PARP11: variants seen among roughly 807,000 people sequenced by gnomAD.
The protein encoded by PARP11 is protein mono-ADP-ribosyltransferase PARP11.
PARP11 carries 31 observed loss-of-function variants against 42.9 expected under a neutral mutation model. That is an observed-to-expected ratio of 0.72 (90% CI 0.54 to 0.98). The LOEUF is 0.98. Ranked by LOEUF, PARP11 falls within the 50% of genes least tolerant of loss-of-function variation. The pLI is 0.00. For missense variants in PARP11, 365 were observed against 413.1 expected, an observed-to-expected ratio of 0.88 and a Z score of 1.01; for synonymous variants, 137 against 127.3, an observed-to-expected ratio of 1.08 and a Z score of -0.51.
chr12:3,869,865 G>A (rs899205301), intron 1 of PARP11, among the ~76,000 whole-genome samples: 3 of 152,150 alleles, frequency 2.0e-5, no homozygotes, highest in African/African-American at 7.2e-5. Flanking sequence ...GTAAACCCTG[G>A]GACTTCGCAC....
At chr12:3,812,767 G>A (rs1947209508) in intron 7 of PARP11, among the ~76,000 whole-genome samples, 1 of 152,054 alleles carries the variant, frequency 6.6e-6, no homozygotes, top group Non-Finnish European at 1.5e-5. Flanking sequence ...GATAAAACTG[G>A]TTTAATGATT....
intron 1 of PARP11, among the ~76,000 whole-genome samples, chr12:3,843,979 TAAG>T (rs1203278763): frequency 6.6e-6 from 1 of 152,194 alleles, no homozygotes; most frequent in African/African-American, 2.4e-5. Flanking sequence ...GCAAATTACT[TAAG>T]AAAATACAAT....
At chr12:3,841,157 A>G in intron 1 of PARP11, 9 of 1,595,502 alleles carry the variant, frequency 5.6e-6, no homozygotes, top group Non-Finnish European at 7.7e-6. Context: ...AGCCTTTATC[A>G]AGACCCACTC....
chr12:3,873,146 C>G (rs1315482405), intron 1 of PARP11, 66 bp downstream of exon 1: 1 of 1,355,054 alleles, frequency 7.4e-7, no homozygotes, highest in Non-Finnish European at 1.0e-6. Flanking sequence ...GTTCCGGTGA[C>G]CCCCTCCCGC....
intron 1 of PARP11, among the ~76,000 whole-genome samples, chr12:3,848,032 AAAAAG>A: frequency 6.6e-6 from 1 of 152,320 alleles, no homozygotes; most frequent in East Asian, 1.9e-4. Context: ...AAACAATCTA[AAAAAG>A]AAATCAAGAA....
Position 3,844,241 on chromosome 12 carries a change from T to C in PARP11, c.19-14223A>G, listed in dbSNP as rs559487857. 2.6e-5 allele frequency among the ~76,000 whole-genome samples: 4 copies of C among 152,342 alleles called. No individual in the cohort carries two copies. In the South Asian group the frequency reaches 6.2e-4, roughly 24 times the overall value. On this transcript the variant is annotated intron_variant, in intron 1 of 7. Coordinates refer to ENST00000228820, the MANE Select transcript of PARP11 (RefSeq NM_020367.6). ...AACATTTTATTATGATGGTGCTAGG[T>C]AAAAAATTGTAAAGACTGGGATGGT... is the stretch of plus-strand genomic sequence containing the variant.
chr12:3,816,622 A>C (rs1303905040), intron 6 of PARP11, among the ~76,000 whole-genome samples: 4 of 152,246 alleles, frequency 2.6e-5, no homozygotes, highest in Non-Finnish European at 5.9e-5. Flanking sequence ...TTTCTCAAAG[A>C]AACATTAGTA....
At chr12:3,857,785 T>C (rs1160107492) in intron 1 of PARP11, among the ~76,000 whole-genome samples, 1 of 152,212 alleles carries the variant, frequency 6.6e-6, no homozygotes, top group Non-Finnish European at 1.5e-5. Flanking sequence ...GTTCTGCTCA[T>C]CCTCCAGCTG....
intron 1 of PARP11, among the ~76,000 whole-genome samples, chr12:3,846,081 T>C (rs1240553927): frequency 6.6e-6 from 1 of 152,236 alleles, no homozygotes; most frequent in Non-Finnish European, 1.5e-5. Flanking sequence ...TTTTGAAGTG[T>C]TAAAAGGAAA....
rs1947177728 is a variant in PARP11, at chr12:3,811,568, A to C, written c.*555T>G. ...TTCTCCTTCTGGCTTGTTTGACAGCACTGCAAATAATTGTCTTGTTTCTGA... is the reference window on the plus strand; with the variant it reads ...TTCTCCTTCTGGCTTGTTTGACAGCCCTGCAAATAATTGTCTTGTTTCTGA... On this transcript the variant is annotated 3_prime_UTR_variant, in exon 8 of 8. Coordinates refer to ENST00000228820, the MANE Select transcript of PARP11 (RefSeq NM_020367.6). 1 of 152,282 alleles carries C rather than the reference A, an allele frequency of 6.6e-6. No homozygotes were observed. Among genetic ancestry groups the C allele is most frequent in the Admixed American group, 6.5e-5 (1 of 15,280 alleles). 9.4% of individuals were successfully genotyped at this position (152,282 alleles called of 1,614,324 possible). A position where few individuals can be genotyped will look rare whatever the true frequency, so the allele number is the denominator to read the frequency against.
In PARP11 at chr12:3,812,112, T is replaced by G; in HGVS notation, c.*11A>C. 1 of 1,570,088 alleles carries G rather than the reference T, an allele frequency of 6.4e-7. No individual in the cohort carries two copies. The highest frequency in any genetic ancestry group is 2.3e-5 in the East Asian group (1 of 43,922). The stretch of plus-strand genomic sequence containing the variant: ...TAAAGCTTCCTTGACCACCGAGATT[T>G]GGAAGTGAAATCAATGAAAGTCTAT... On this transcript the variant is annotated 3_prime_UTR_variant, in exon 8 of 8. Coordinates refer to ENST00000228820, the MANE Select transcript of PARP11 (RefSeq NM_020367.6).
chr12:3,864,252 A>G (rs937202437), intron 1 of PARP11, among the ~76,000 whole-genome samples: 4 of 152,246 alleles, frequency 2.6e-5, no homozygotes, highest in African/African-American at 9.6e-5. Context: ...GGCTGTTCAA[A>G]TATTAAACCT....
At position 3,814,072 on chromosome 12, in the gene PARP11, C is replaced by T; in HGVS notation, c.665G>A (p.Arg222Lys). Residue 222 changes from arginine to lysine, a missense_variant, in exon 7 of 8, where the codon AGA becomes AAA. Coordinates refer to ENST00000228820, the MANE Select transcript of PARP11 (RefSeq NM_020367.6). ...GACAGCACCATGTATACCATTTATT[C>T]TCCAATCAAAGTTATGAATGCAGAT... ...EAICIHNFDW[R>K]INGIHGAVFG... The T allele has an allele frequency of 1.9e-6, 3 of 1,604,962 alleles. No homozygotes were observed. Among genetic ancestry groups the T allele is most frequent in the Non-Finnish European group, 2.6e-6 (3 of 1,174,358 alleles).
At chr12:3,829,764 G>GTGT in intron 2 of PARP11, 126 bp downstream of exon 2, 1 of 988,124 alleles carries the variant, frequency 1.0e-6, no homozygotes. Flanking sequence ...TTTTCTTTTA[G>GTGT]TTAAACAATT....
At chr12:3,822,464 G>T (rs12296366) in intron 4 of PARP11, among the ~76,000 whole-genome samples, 11,202 of 117,240 alleles carry the variant, frequency 0.096, 1,081 homozygotes, top group East Asian at 0.18. Flanking sequence ...CCAGGCGTGG[G>T]GGCGGGCGCC....
rs896955848 is a variant in PARP11 at position 3,822,547 on chromosome 12, C to T, written c.345-390G>A. ...CCGGGAGGCGGAGCTTGCAGTGAGC[C>T]GAGATTGCGCCACTGCACTCCAGCC... On this transcript the variant is annotated intron_variant, in intron 4 of 7. Coordinates refer to ENST00000228820, the MANE Select transcript of PARP11 (RefSeq NM_020367.6). Among the ~76,000 whole-genome samples, 29 of 147,668 alleles carry T rather than the reference C, an allele frequency of 2.0e-4. 2 individuals carry two copies. The highest frequency in any genetic ancestry group is 1.2e-4 in the Non-Finnish European group (8 of 67,530).
chr12:3,863,665 G>A (rs1415537832), intron 1 of PARP11, among the ~76,000 whole-genome samples: 3 of 152,180 alleles, frequency 2.0e-5, no homozygotes, highest in Non-Finnish European at 4.4e-5. Context: ...CACATACAAG[G>A]TTCCAAGCGT....
chr12:3,815,117 G>A (rs184716466), intron 6 of PARP11: 29 of 451,472 alleles, frequency 6.4e-5, no homozygotes, highest in Non-Finnish European at 8.0e-5. Flanking sequence ...TAGATACATG[G>A]GAGTCTGCAA....
intron 1 of PARP11, among the ~76,000 whole-genome samples, chr12:3,855,481 C>A (rs1948174237): frequency 1.3e-5 from 2 of 151,770 alleles, no homozygotes; most frequent in South Asian, 4.1e-4. Context: ...CATTCCTACA[C>A]ACCAATAACA....
Sources: allele counts gnomAD v4.1 joint callset (sites outside exome capture counted in the v4.1 genomes callset), GRCh38; gene constraint gnomAD v4.1.1; transcripts MANE v1.5; gene names NCBI Gene and HGNC (gene_info 2026-07-23, HGNC 2026-07-21).